The following ANK1 variants were observed in gnomAD, a reference collection of about 807,000 sequenced individuals.
The protein encoded by ANK1 is ankyrin-1.
In ANK1, 51 loss-of-function variants were observed where a neutral mutation model predicts 210.4. That is an observed-to-expected ratio of 0.24 (90% CI 0.19 to 0.31). The LOEUF (loss-of-function observed/expected upper bound fraction) is 0.31, where lower values mean the gene tolerates loss of function less well. Ranked by LOEUF, ANK1 falls within the 10% of genes least tolerant of loss-of-function variation. The probability of loss-of-function intolerance (pLI) is 1.00; values close to 1 mark genes in which losing one functional copy is unlikely to be tolerated. For missense variants in ANK1, 2,051 were observed against 2,504.4 expected (o/e 0.82, Z 3.86); for synonymous variants, 967 against 1,025.9 (o/e 0.94, Z 1.10).
At chr8:41,713,206 A>G (rs1435901144) in intron 16 of ANK1, among the ~76,000 whole-genome samples, 3 of 152,180 alleles carry the variant, frequency 2.0e-5, no homozygotes, top group African/African-American at 7.2e-5. Context: ...CGGATCTCCC[A>G]TAAATTATCC....
intron 1 of ANK1, among the ~76,000 whole-genome samples, chr8:41,858,301 T>C (rs1017179020): frequency 6.7e-6 from 1 of 150,128 alleles, no homozygotes; most frequent in Non-Finnish European, 1.5e-5. Flanking sequence ...TGAGCCAAGA[T>C]TGCATCACCG....
chr8:41,701,163 T>C (rs1427316373), intron 22 of ANK1, among the ~76,000 whole-genome samples: 1 of 152,204 alleles, frequency 6.6e-6, no homozygotes, highest in East Asian at 1.9e-4. Context: ...CTCACAGATT[T>C]TGAATAATCC....
At chr8:41,758,509 CTT>C (rs113939102) in intron 1 of ANK1, among the ~76,000 whole-genome samples, 3 of 145,938 alleles carry the variant, frequency 2.1e-5, no homozygotes, top group Non-Finnish European at 3.0e-5. Context: ...TTTTTTTAAA[CTT>C]TTTTTTTTTT....
chr8:41,694,087 C>T lies in ANK1; in HGVS notation c.3343G>A (p.Asp1115Asn), dbSNP rs1304740261. The T allele has an allele frequency of 1.9e-6, 3 of 1,613,948 alleles. No homozygotes were observed. The highest frequency in any genetic ancestry group is 2.5e-6 in the Non-Finnish European group (3 of 1,179,950). The change falls in exon 29 of 43, where the codon GAT (aspartate) becomes AAT (asparagine). Residue 1115 changes from aspartate to asparagine, a missense_variant. Around this residue, in one of 6 missense-constraint regions of ANK1, gnomAD observed 1,413 missense variants for 1,707.4 expected, o/e 0.83. Transcript: ENST00000289734. This position sits in a 1 kb window ranked among gnomAD's most constrained non-coding sequence, Gnocchi z 5.7. ...CCCAGGAGCTTAGTGACAAGCTCAT[C>T]CGGGACAGGCTGGGCCTGTGAAATG... ...KLALQAQPVP[D>N]ELVTKLLGNQ...
At chr8:41,736,517 C>T (rs906924522) in intron 2 of ANK1, among the ~76,000 whole-genome samples, 3 of 152,242 alleles carry the variant, frequency 2.0e-5, no homozygotes, top group African/African-American at 7.2e-5. Flanking sequence ...TGGCTGTCGG[C>T]ATGGCTGGAG....
chr8:41,708,753 G>A (rs772665358), intron 17 of ANK1, 25 bp downstream of exon 17: 2 of 1,612,042 alleles, frequency 1.2e-6, no homozygotes, highest in Middle Eastern at 1.6e-4. Flanking sequence ...GCACTCCAGG[G>A]CAGATCCGAA....
intron 1 of ANK1, among the ~76,000 whole-genome samples, chr8:41,886,767 G>A (rs1587626895): frequency 6.6e-6 from 1 of 152,198 alleles, no homozygotes; most frequent in East Asian, 1.9e-4. Flanking sequence ...TAGATTCAGG[G>A]GGTGGAAGGG....
At chr8:41,875,196 G>A (rs983756497) in intron 1 of ANK1, among the ~76,000 whole-genome samples, 1 of 152,164 alleles carries the variant, frequency 6.6e-6, no homozygotes, top group Non-Finnish European at 1.5e-5. Context: ...TCACCCAGAT[G>A]CGGGGGCTCC....
At chr8:41,755,596 C>A (rs1052127715) in intron 2 of ANK1, among the ~76,000 whole-genome samples, 1 of 152,164 alleles carries the variant, frequency 6.6e-6, no homozygotes, top group Admixed American at 6.5e-5. Flanking sequence ...AGCAACCCAC[C>A]CTGCCTATGG....
intron 2 of ANK1, among the ~76,000 whole-genome samples, chr8:41,748,893 G>A (rs1223471696): frequency 6.6e-6 from 1 of 152,064 alleles, no homozygotes; most frequent in Non-Finnish European, 1.5e-5. Context: ...AAATTAGCCG[G>A]GCGTGGTGGC....
chr8:41,731,261 T>A (rs1832110850), intron 3 of ANK1, among the ~76,000 whole-genome samples: 1 of 152,156 alleles, frequency 6.6e-6, no homozygotes, highest in Admixed American at 6.5e-5. Flanking sequence ...GCAGGAAAAA[T>A]TACTTAGCTA....
rs546149760 is a variant in ANK1 at position 41,785,691 on chromosome 8, A to T, written c.27+11821T>A. ...TCGCTGCGCATCCCTGAGGGTCTCC[A>T]TCACTTCCGGGCCTGGGCCTTCCCG... On this transcript the variant is annotated intron_variant, in intron 1 of 42. Transcript: ENST00000289734. 2.0e-5 allele frequency among the ~76,000 whole-genome samples: 3 copies of T among 152,316 alleles called. No homozygotes were observed. In the South Asian group the frequency reaches 6.2e-4, roughly 32 times the overall value.
upstream of ANK1, among the ~76,000 whole-genome samples, chr8:41,801,267 T>C (rs1442609781): frequency 6.6e-6 from 1 of 152,258 alleles, no homozygotes; most frequent in Non-Finnish European, 1.5e-5. Context: ...TTTATCCATT[T>C]TACTGCTAAT....
chr8:41,887,895 G>A lies in ANK1; in HGVS notation c.126+8460C>T, dbSNP rs552993891. Among the ~76,000 whole-genome samples, 110 of 152,382 alleles carry A rather than the reference G, an allele frequency of 7.2e-4. 1 individual carries two copies. In the Middle Eastern group the frequency reaches 0.024, roughly 33 times the overall value. On this transcript the variant is annotated intron_variant, in intron 1 of 42. Transcript: ENST00000265709. Reference sequence around the variant, plus strand: ...TGGCACCAAAGTCCTGTCTTTAAGAGTGGATGGGTCCTGCTCCCTGAGCCC... The same window carrying A: ...TGGCACCAAAGTCCTGTCTTTAAGAATGGATGGGTCCTGCTCCCTGAGCCC...
intron 1 of ANK1, among the ~76,000 whole-genome samples, chr8:41,761,335 C>A (rs6990338): frequency 0.31 from 47,353 of 151,144 alleles, 7,599 homozygotes; most frequent in South Asian, 0.38. Flanking sequence ...ATACACACAC[C>A]TGCACACATA....
At chr8:41,729,593 T>C (rs1263537733) in intron 3 of ANK1, among the ~76,000 whole-genome samples, 1 of 152,246 alleles carries the variant, frequency 6.6e-6, no homozygotes, top group East Asian at 1.9e-4. Flanking sequence ...GCTCTCACTT[T>C]GTTGTCCAGG....
intron 30 of ANK1, 64 bp downstream of exon 30, chr8:41,693,041 T>G: frequency 6.5e-7 from 1 of 1,541,348 alleles, no homozygotes; most frequent in Non-Finnish European, 9.0e-7. Context: ...GCCTCAGGCC[T>G]GGACGGCAGC....
At chr8:41,751,895 G>A (rs370488110) in intron 2 of ANK1, among the ~76,000 whole-genome samples, 3 of 152,180 alleles carry the variant, frequency 2.0e-5, no homozygotes, top group East Asian at 3.9e-4. Context: ...ACCAATGCAA[G>A]CCCTCTTTGA....
chr8:41,735,755 C>T (rs1833260660), intron 2 of ANK1, among the ~76,000 whole-genome samples: 1 of 152,144 alleles, frequency 6.6e-6, no homozygotes, highest in African/African-American at 2.4e-5. Context: ...AGGAAAGTCA[C>T]CCAAAGTCAT....
Sources: allele counts gnomAD v4.1 joint callset (sites outside exome capture counted in the v4.1 genomes callset), GRCh38; gene constraint gnomAD v4.1.1; regional missense constraint gnomAD v4.1.1; non-coding constraint Gnocchi (gnomAD v3.1); transcripts MANE v1.5; gene names NCBI Gene and HGNC (gene_info 2026-07-23, HGNC 2026-07-21).